The following CFAP52 variants were observed in gnomAD, a reference collection of about 807,000 sequenced individuals.
CFAP52 encodes cilia- and flagella-associated protein 52.
Under a neutral mutation model 70.5 loss-of-function variants are expected in CFAP52, and 57 were observed. The ratio of observed to expected loss-of-function variants is 0.81; its 90% CI spans 0.65 to 1.01. The LOEUF is 1.01. Ranked by LOEUF, CFAP52 falls within the 50% of genes least tolerant of loss-of-function variation. The pLI is 0.00. For synonymous variants in CFAP52, 267 were observed against 292.5 expected (o/e 0.91, Z 0.89); for missense variants, 785 against 788.5 (o/e 1.00, Z 0.05).
chr17:9,631,512 A>G (rs1238045745), intron 9 of CFAP52, among the ~76,000 whole-genome samples: 1 of 152,182 alleles, frequency 6.6e-6, no homozygotes, highest in African/African-American at 2.4e-5. Context: ...CTGGGGAGAA[A>G]ACATTCCAGG....
chr17:9,614,138 C>G (rs577680393), intron 8 of CFAP52, among the ~76,000 whole-genome samples: 1 of 144,704 alleles, frequency 6.9e-6, no homozygotes, highest in African/African-American at 2.5e-5. Flanking sequence ...TTTTCCTTTT[C>G]TTTTTCTTTT....
At chr17:9,608,577 A>G (rs990317090) in intron 7 of CFAP52, among the ~76,000 whole-genome samples, 1 of 152,240 alleles carries the variant, frequency 6.6e-6, no homozygotes. Flanking sequence ...GGTTAACTCA[A>G]TGAAATTTAT....
In CFAP52 at chr17:9,585,538, G is replaced by A. The variant is rs571852514; in HGVS notation, c.71-235G>A. ...AAAAAAAAATTAGCCAGGTGTGGTG[G>A]CGGGTGCCTGTAATCCCAGCTACTC... On this transcript the variant is annotated intron_variant, in intron 1 of 13. Transcript: ENST00000352665. Among the ~76,000 whole-genome samples, 196 of 152,206 alleles carry A rather than the reference G, an allele frequency of 1.3e-3. 3 individuals carry two copies. Among genetic ancestry groups the A allele is most frequent in the Non-Finnish European group, 1.4e-3 (95 of 68,024 alleles).
At chr17:9,579,639 C>T (rs1174120828) in intron 1 of CFAP52, among the ~76,000 whole-genome samples, 1 of 152,224 alleles carries the variant, frequency 6.6e-6, no homozygotes, top group East Asian at 1.9e-4. Flanking sequence ...GCGATCTCAG[C>T]TCACTGCAAC....
chr17:9,594,201 T>C lies in CFAP52; in HGVS notation c.416T>C (p.Val139Ala). 1 of 1,609,202 alleles carries C rather than the reference T, an allele frequency of 6.2e-7. No homozygotes were observed. Among genetic ancestry groups the C allele is most frequent in the South Asian group, 1.1e-5 (1 of 90,362 alleles). The change falls in exon 4 of 14, where the codon GTG becomes GCG. Residue 139 changes from valine to alanine, a missense_variant. Physicochemically the swap from Val to Ala is moderately conservative, Grantham distance 64. Transcript: ENST00000352665. ...CCCTCTTATTTTGGCAGTGTGGTGG[T>C]GTGGAGCATAGCCAAGAGAGATGCC... ...LGGPDDGSVV[V>A]WSIAKRDAIC...
chr17:9,590,952 C>T (rs563378077), intron 3 of CFAP52, among the ~76,000 whole-genome samples: 2 of 150,460 alleles, frequency 1.3e-5, no homozygotes, highest in South Asian at 4.2e-4. Flanking sequence ...CTACCCAACC[C>T]ATCTAGCTTC....
At chr17:9,635,947 C>A (rs979582704) in intron 11 of CFAP52, among the ~76,000 whole-genome samples, 1 of 151,740 alleles carries the variant, frequency 6.6e-6, no homozygotes, top group Non-Finnish European at 1.5e-5. Context: ...CTGAGGTGGG[C>A]AGATCACCTG....
At chr17:9,582,547 G>A (rs886389919) in intron 1 of CFAP52, among the ~76,000 whole-genome samples, 14 of 152,144 alleles carry the variant, frequency 9.2e-5, no homozygotes, top group African/African-American at 2.9e-4. Context: ...GTATATTATG[G>A]AGATGATCCT....
chr17:9,597,914 T>A (rs1195426251), intron 4 of CFAP52, among the ~76,000 whole-genome samples: 1 of 151,998 alleles, frequency 6.6e-6, no homozygotes, highest in Non-Finnish European at 1.5e-5. Flanking sequence ...AAGCTCTGAT[T>A]TGCTCTGCCC....
chr17:9,635,111 CT>C (rs1412876241), intron 10 of CFAP52, among the ~76,000 whole-genome samples: 1 of 152,048 alleles, frequency 6.6e-6, no homozygotes, highest in Non-Finnish European at 1.5e-5. Context: ...TGCGTTGGCC[CT>C]TGCATTATCG....
At chr17:9,589,276 G>A (rs930601901) in intron 3 of CFAP52, among the ~76,000 whole-genome samples, 10 of 152,032 alleles carry the variant, frequency 6.6e-5, no homozygotes, top group Non-Finnish European at 1.3e-4. Context: ...AAGCTTCATA[G>A]GTTTATTACA....
At chr17:9,595,660 GT>G (rs545432437) in intron 4 of CFAP52, among the ~76,000 whole-genome samples, 6 of 151,832 alleles carry the variant, frequency 4.0e-5, no homozygotes, top group African/African-American at 1.5e-4. Context: ...TAAAAAAAAA[GT>G]TTTTTTAGGA....
At chr17:9,580,916 A>T (rs1476825692) in intron 1 of CFAP52, among the ~76,000 whole-genome samples, 2 of 152,206 alleles carry the variant, frequency 1.3e-5, no homozygotes, top group Non-Finnish European at 2.9e-5. Context: ...TGAATCACTT[A>T]TTCAAGTTTT....
At position 9,585,532 on chromosome 17, in the gene CFAP52, G is replaced by GGGCT; in HGVS notation, c.71-241_71-240insGGCT. Reference sequence around the variant, plus strand: ...AAATACAAAAAAAAATTAGCCAGGTGTGGTGGCGGGTGCCTGTAATCCCAG... The same window carrying GGGCT: ...AAATACAAAAAAAAATTAGCCAGGTGGGCTTGGTGGCGGGTGCCTGTAATCCCAG... On this transcript the variant is annotated intron_variant, in intron 1 of 13. Coordinates refer to ENST00000352665, the MANE Select transcript of CFAP52 (RefSeq NM_145054.5). Among the ~76,000 whole-genome samples, 5 of 152,210 alleles carry GGGCT rather than the reference G, an allele frequency of 3.3e-5. No homozygotes were observed. The South Asian group carries it at 1.0e-3, about 32-fold the overall frequency.
At chr17:9,623,582 G>T (rs1910126137) in intron 8 of CFAP52, among the ~76,000 whole-genome samples, 1 of 152,084 alleles carries the variant, frequency 6.6e-6, no homozygotes, top group Non-Finnish European at 1.5e-5. Context: ...TTATATATTT[G>T]ACTATTTCTG....
chr17:9,578,386 T>C (rs996682895), intron 1 of CFAP52, among the ~76,000 whole-genome samples: 2 of 152,128 alleles, frequency 1.3e-5, no homozygotes, highest in African/African-American at 2.4e-5. Context: ...ATTACTGAAA[T>C]CACTCTGTTG....
At position 9,594,166 on chromosome 17, in the gene CFAP52, T is replaced by G. The variant is rs1256236212; in HGVS notation, c.408-27T>G. ...AAAGCCTGTTTTCTCTTTGACTTTT[T>G]TTTTTTGGTCCCTCTTATTTTGGCA... On this transcript the variant is annotated intron_variant, in intron 3 of 13. Coordinates refer to ENST00000352665, the MANE Select transcript of CFAP52 (RefSeq NM_145054.5). 6.5e-5 allele frequency: 100 copies of G among 1,547,374 alleles called. No homozygotes were observed. In the East Asian group the frequency reaches 2.3e-3, roughly 35 times the overall value.
At chr17:9,595,755 G>A (rs370255754) in intron 4 of CFAP52, among the ~76,000 whole-genome samples, 6 of 151,740 alleles carry the variant, frequency 4.0e-5, no homozygotes, top group African/African-American at 1.5e-4. Flanking sequence ...TTTTTGACAT[G>A]GCACCTATGT....
At position 9,638,696 on chromosome 17, in the gene CFAP52, C is replaced by T. The variant is rs368879860; in HGVS notation, c.1560C>T (p.Ser520=). 7.1e-5 allele frequency: 115 copies of T among 1,614,020 alleles called. No individual in the cohort carries two copies. In the East Asian group the frequency reaches 1.3e-3, roughly 18 times the overall value. ...CTGAGGAGTTCCAGATCATCACCAGCGGAACAGACAGAAAGGTGAGTCCTC... is the reference window on the plus strand; with the variant it reads ...CTGAGGAGTTCCAGATCATCACCAGTGGAACAGACAGAAAGGTGAGTCCTC... ...YHPEEFQIIT[S]GTDRKIAYWE... Residue 520 remains serine, a synonymous_variant, in exon 12 of 14, where the codon AGC becomes AGT. Transcript: ENST00000352665.
Sources: allele counts gnomAD v4.1 joint callset (sites outside exome capture counted in the v4.1 genomes callset), GRCh38; gene constraint gnomAD v4.1.1; transcripts MANE v1.5; gene names NCBI Gene and HGNC (gene_info 2026-07-23, HGNC 2026-07-21).